Variants in RAPH1 observed in about 807,000 individuals in gnomAD.
RAPH1 encodes the protein ras-associated and pleckstrin homology domains-containing protein 1.
RAPH1 carries 18 observed loss-of-function variants against 88.1 expected under a neutral mutation model. The observed-to-expected ratio is 0.20, with a 90% confidence interval of 0.14 to 0.30. RAPH1 has a LOEUF of 0.30. Ranked by LOEUF, RAPH1 falls within the 10% of genes least tolerant of loss-of-function variation. The pLI, the probability that RAPH1 is intolerant of heterozygous loss-of-function variation, is 1.00. For missense variants in RAPH1, 1,448 were observed against 1,543.2 expected (o/e 0.94, Z 1.03); for synonymous variants, 587 against 559.0 (o/e 1.05, Z -0.71).
At chr2:203,471,306 A>G (rs2098532858) in intron 4 of RAPH1, among the ~76,000 whole-genome samples, 1 of 152,224 alleles carries the variant, frequency 6.6e-6, no homozygotes, top group Non-Finnish European at 1.5e-5. Context: ...TTTGGAAAGA[A>G]ACTAATGCAA....
At chr2:203,520,295 G>A (rs796571370) in intron 1 of RAPH1, among the ~76,000 whole-genome samples, 4 of 149,832 alleles carry the variant, frequency 2.7e-5, no homozygotes, top group African/African-American at 9.9e-5. Context: ...TCATACTACT[G>A]TACTCCAGCC....
intron 1 of RAPH1, among the ~76,000 whole-genome samples, chr2:203,502,337 A>G (rs1050386868): frequency 2.0e-5 from 3 of 152,218 alleles, no homozygotes; most frequent in African/African-American, 7.2e-5. Flanking sequence ...CCCTTATGCC[A>G]TCTCTTTGAT....
chr2:203,493,532 T>G (rs1407665094), intron 2 of RAPH1, among the ~76,000 whole-genome samples: 1 of 152,220 alleles, frequency 6.6e-6, no homozygotes, highest in Non-Finnish European at 1.5e-5. Flanking sequence ...ATAATCTCTA[T>G]GCTTAAATCA....
chr2:203,497,315 C>T (rs1688561506), intron 1 of RAPH1, among the ~76,000 whole-genome samples: 1 of 152,082 alleles, frequency 6.6e-6, no homozygotes, highest in Non-Finnish European at 1.5e-5. Context: ...TATATATTAC[C>T]CAGTCTCAGG....
At chr2:203,487,299 A>C (rs556801594) in intron 4 of RAPH1, among the ~76,000 whole-genome samples, 1 of 152,358 alleles carries the variant, frequency 6.6e-6, no homozygotes, top group East Asian at 1.9e-4. Flanking sequence ...CTAGCAGGTA[A>C]ATCTAAAGGA....
At chr2:203,493,971 CAAAAA>C (rs397937732) in intron 2 of RAPH1, among the ~76,000 whole-genome samples, 1 of 18,964 alleles carries the variant, frequency 5.3e-5, no homozygotes, top group Non-Finnish European at 1.2e-4. Context: ...GACTCTATCT[CAAAAA>C]AAAAAAAAAA....
At chr2:203,496,808 T>C (rs938243078) in intron 1 of RAPH1, among the ~76,000 whole-genome samples, 4 of 152,200 alleles carry the variant, frequency 2.6e-5, no homozygotes, top group Non-Finnish European at 4.4e-5. Flanking sequence ...ATGAACATCA[T>C]CACCATATGT....
chr2:203,440,932 T>C lies in RAPH1; in HGVS notation c.2258A>G (p.Gln753Arg), dbSNP rs1218445072. Residue 753 changes from glutamine (Q) to arginine (R), a missense_variant, in exon 14 of 14, where the codon CAG (glutamine) becomes CGG (arginine). Physicochemically the swap from Gln to Arg is conservative, Grantham distance 43 (BLOSUM62 1). This residue lies in a region of RAPH1 where 935 missense variants were observed against 890.1 expected (regional missense o/e 1.05). Transcript: ENST00000319170. ...PPPPLKIHQV[Q>R]HITQVAPPTP... ...TGGGGGAGCCACCTGAGTAATATGCTGAACTTGATGGATCTTCAGTGGAGG... is the reference window on the plus strand; with the variant it reads ...TGGGGGAGCCACCTGAGTAATATGCCGAACTTGATGGATCTTCAGTGGAGG... 1 of 1,560,220 alleles carries C rather than the reference T, an allele frequency of 6.4e-7. No homozygotes were observed. The highest frequency in any genetic ancestry group is 1.4e-5 in the African/African-American group (1 of 71,290).
chr2:203,510,335 C>CAAAAAAAA (rs33911103), intron 1 of RAPH1, among the ~76,000 whole-genome samples: 2 of 38,114 alleles, frequency 5.2e-5, no homozygotes, highest in Admixed American at 8.4e-4. Context: ...AACTCCATCT[C>CAAAAAAAA]AAAAAAAAAA....
rs149087362 is a variant in RAPH1 at position 203,457,548 on chromosome 2, G to T, written c.1140C>A (p.Asn380Lys). Residue 380 changes from asparagine (N) to lysine (K), a missense_variant, in exon 8 of 14, where the codon AAC becomes AAA. By Grantham distance (94) the Asn-to-Lys change is moderately conservative. Transcript: ENST00000319170. ...KKETAEMADR[N>K]KEVLLEECFC... ...GTCATACCTCCAAGAGGACTTCTTT[G>T]TTTCTATCTGCCATCTCAGCTGTTT... 6.8e-6 allele frequency: 11 copies of T among 1,612,562 alleles called. No homozygotes were observed. The East Asian group carries it at 2.2e-4, about 33-fold the overall frequency.
At chr2:203,523,897 G>A (rs1230017319) in intron 1 of RAPH1, among the ~76,000 whole-genome samples, 2 of 152,110 alleles carry the variant, frequency 1.3e-5, no homozygotes, top group Non-Finnish European at 2.9e-5. Flanking sequence ...CCAGCTACTC[G>A]GGAGGCTGGG....
intron 4 of RAPH1, among the ~76,000 whole-genome samples, chr2:203,488,596 A>AC (rs1688092306): frequency 7.0e-6 from 1 of 142,920 alleles, no homozygotes; most frequent in African/African-American, 2.8e-5. Context: ...ATTAAAAAAA[A>AC]AAAAAAAAAA....
chr2:203,469,454 G>A (rs186215111), intron 4 of RAPH1, among the ~76,000 whole-genome samples: 3 of 152,214 alleles, frequency 2.0e-5, no homozygotes, highest in East Asian at 3.9e-4. Context: ...AATGTACAAG[G>A]TTAGAAAGAA....
At chr2:203,519,538 A>G (rs1160003402) in intron 1 of RAPH1, among the ~76,000 whole-genome samples, 3 of 152,198 alleles carry the variant, frequency 2.0e-5, no homozygotes, top group Non-Finnish European at 4.4e-5. Flanking sequence ...CACAATTAAC[A>G]TAACACTTAA....
rs1176171528 is a variant in RAPH1 at position 203,448,092 on chromosome 2, C to T, written c.1513-13G>A. The stretch of plus-strand genomic sequence containing the variant: ...GCTGCTTCCCATACTAAAGAGAAGA[C>T]AGGAAATGGTGACATCTAAACTTTA... On this transcript the variant is annotated splice_polypyrimidine_tract_variant and intron_variant, in intron 11 of 13. Transcript: ENST00000319170. The surrounding 1 kb of genome is among the most constrained non-coding windows in gnomAD (Gnocchi z 4.1). 6.2e-7 allele frequency: 1 copy of T among 1,612,532 alleles called. No homozygotes were observed. Among genetic ancestry groups the T allele is most frequent in the Admixed American group, 1.7e-5 (1 of 59,896 alleles).
chr2:203,517,515 G>A (rs1290237389), intron 1 of RAPH1, among the ~76,000 whole-genome samples: 1 of 152,066 alleles, frequency 6.6e-6, no homozygotes, highest in Non-Finnish European at 1.5e-5. Context: ...TCAATCACCT[G>A]GATATAACTG....
chr2:203,444,659 A>C (rs2098507830), intron 13 of RAPH1: 1 of 435,792 alleles, frequency 2.3e-6, no homozygotes, highest in Admixed American at 4.0e-5. Context: ...CATTAGAGCC[A>C]ATTTGTAAAA....
At chr2:203,455,839 C>G (rs2098518914) in intron 8 of RAPH1, among the ~76,000 whole-genome samples, 1 of 148,504 alleles carries the variant, frequency 6.7e-6, no homozygotes, top group African/African-American at 2.5e-5. Context: ...GAAACCACGT[C>G]TCTACTTAAA....
At position 203,439,238 on chromosome 2, in the gene RAPH1, C is replaced by CAT; in HGVS notation, c.*197_*198dup. The stretch of plus-strand genomic sequence containing the variant: ...AGCTCTCTCTCTATATACACATACA[C>CAT]ATACATATATGTATACATATATACA... On this transcript the variant is annotated 3_prime_UTR_variant, in exon 14 of 14. Coordinates refer to ENST00000319170, the MANE Select transcript of RAPH1 (RefSeq NM_213589.3). The CAT allele has an allele frequency of 3.6e-6, 2 of 558,184 alleles. No homozygotes were observed. Among genetic ancestry groups the CAT allele is most frequent in the Non-Finnish European group, 6.4e-6 (2 of 313,734 alleles). The allele number at this position is 558,184 out of a possible 1,614,324, so 34.6% of individuals were successfully genotyped here.
Sources: gnomAD v4.1 joint callset for allele counts (sites outside exome capture counted in the v4.1 genomes callset) on GRCh38, gnomAD v4.1.1 for gene constraint, gnomAD v4.1.1 regional missense constraint, Gnocchi (gnomAD v3.1) non-coding constraint, MANE v1.5 for transcripts, NCBI Gene and HGNC (gene_info 2026-07-23, HGNC 2026-07-21) for gene names.